The following NCKAP5 variants were observed in gnomAD, a reference collection of about 807,000 sequenced individuals.
NCKAP5 encodes the protein nck-associated protein 5.
In NCKAP5, 92 loss-of-function variants were observed where a neutral mutation model predicts 167.0. The ratio of observed to expected loss-of-function variants is 0.55; its 90% confidence interval spans 0.47 to 0.66. The LOEUF (loss-of-function observed/expected upper bound fraction) is 0.66. Among genes scored for constraint, NCKAP5 ranks in the 30% least tolerant of loss-of-function variants. The probability of loss-of-function intolerance (pLI) is 0.00; values close to 1 mark genes in which losing one functional copy is unlikely to be tolerated. For missense variants in NCKAP5, 2,378 were observed against 2,315.0 expected, an observed-to-expected ratio of 1.03 and a Z score of -0.56; for synonymous variants, 891 against 877.4, an observed-to-expected ratio of 1.02 and a Z score of -0.27.
intron 3 of NCKAP5, among the ~76,000 whole-genome samples, chr2:133,330,054 T>G (rs35108398): frequency 1.5e-5 from 1 of 64,704 alleles, no homozygotes; most frequent in East Asian, 3.9e-4. Flanking sequence ...AAGCAAGACC[T>G]TTTTTTTTTT....
chr2:132,816,338 G>T (rs13414781), intron 11 of NCKAP5, among the ~76,000 whole-genome samples: 2,523 of 152,178 alleles, frequency 0.017, 63 homozygotes, highest in African/African-American at 0.058. Flanking sequence ...AACACAAGTA[G>T]CAAGCGGAAG....
chr2:133,153,489 A>T (rs557736501), intron 5 of NCKAP5, among the ~76,000 whole-genome samples: 19 of 152,134 alleles, frequency 1.2e-4, no homozygotes, highest in African/African-American at 2.6e-4. Context: ...GATTTTTTTT[A>T]AAAAATAAAC....
the NCKAP5 span, among the ~76,000 whole-genome samples, chr2:133,611,667 G>A: frequency 6.6e-6 from 1 of 152,158 alleles, no homozygotes; most frequent in Non-Finnish European, 1.5e-5. Flanking sequence ...AGATAAAAAG[G>A]CTGGGTGGGG....
chr2:132,748,632 A>T (rs1679848975), intron 16 of NCKAP5, among the ~76,000 whole-genome samples: 1 of 152,148 alleles, frequency 6.6e-6, no homozygotes, highest in Admixed American at 6.5e-5. Context: ...TGCAACAACT[A>T]TACCCGTACC....
At chr2:132,838,609 G>A (rs1012342994) in intron 11 of NCKAP5, among the ~76,000 whole-genome samples, 6 of 152,170 alleles carry the variant, frequency 3.9e-5, no homozygotes, top group Non-Finnish European at 7.4e-5. Context: ...TCCAGGCTGG[G>A]CGACAGAGAG....
At chr2:132,794,275 G>T (rs1363285185) in intron 12 of NCKAP5, among the ~76,000 whole-genome samples, 48 of 92,920 alleles carry the variant, frequency 5.2e-4, no homozygotes, top group Admixed American at 6.6e-4. Context: ...GAGAGAGAGA[G>T]AGAGAGAGAG....
At chr2:133,631,697 T>C in the NCKAP5 span, among the ~76,000 whole-genome samples, 1 of 152,226 alleles carries the variant, frequency 6.6e-6, no homozygotes, top group Non-Finnish European at 1.5e-5. Context: ...AAGACTAGTA[T>C]AGCTAAGTCT....
At position 132,963,653 on chromosome 2, in the gene NCKAP5, G is replaced by A. The variant is rs1291626280; in HGVS notation, c.579+67C>T. ...GAAGATTTATACTCACTCAAAACCA[G>A]TGCCAATAAAAGAAGCAGAATACTG... On this transcript the variant is annotated intron_variant, in intron 8 of 19. Transcript: ENST00000409261. 3.3e-5 allele frequency: 49 copies of A among 1,498,432 alleles called. 1 individual carries two copies. The highest frequency in any genetic ancestry group is 7.4e-6 in the Non-Finnish European group (8 of 1,087,280). 92.8% of individuals were successfully genotyped at this position (1,498,432 alleles called of 1,614,324 possible).
At chr2:132,791,968 AG>A (rs1252644683) in intron 12 of NCKAP5, among the ~76,000 whole-genome samples, 2 of 152,224 alleles carry the variant, frequency 1.3e-5, no homozygotes, top group Non-Finnish European at 2.9e-5. Context: ...ACAGGAAAGT[AG>A]GACTCAGAAG....
chr2:133,127,995 T>C (rs1221544506), intron 6 of NCKAP5, among the ~76,000 whole-genome samples: 1 of 152,192 alleles, frequency 6.6e-6, no homozygotes, highest in Non-Finnish European at 1.5e-5. Flanking sequence ...GAGTCATCCA[T>C]CCTTCTTGTC....
the NCKAP5 span, among the ~76,000 whole-genome samples, chr2:133,579,317 A>C: frequency 6.6e-5 from 10 of 152,202 alleles, no homozygotes; most frequent in South Asian, 2.1e-4. Flanking sequence ...TAGTGTATGT[A>C]CTCTGACTAT....
intron 6 of NCKAP5, among the ~76,000 whole-genome samples, chr2:133,124,936 C>A (rs890515047): frequency 1.3e-5 from 2 of 152,128 alleles, no homozygotes; most frequent in Non-Finnish European, 1.5e-5. Context: ...GTCCCAGCTA[C>A]TTGGGAGGCT....
intron 3 of NCKAP5, among the ~76,000 whole-genome samples, chr2:133,414,510 T>C (rs1006709725): frequency 2.0e-5 from 3 of 152,140 alleles, no homozygotes; most frequent in Non-Finnish European, 2.9e-5. Flanking sequence ...ATTCAGGTCA[T>C]TCTTGTTGCA....
chr2:133,146,376 G>A (rs1190077854), intron 5 of NCKAP5, among the ~76,000 whole-genome samples: 1 of 152,000 alleles, frequency 6.6e-6, no homozygotes, highest in Non-Finnish European at 1.5e-5. Context: ...ACATGTAAAC[G>A]ATGACTTTGT....
At chr2:132,748,728 T>G (rs1679858396) in intron 16 of NCKAP5, among the ~76,000 whole-genome samples, 1 of 152,196 alleles carries the variant, frequency 6.6e-6, no homozygotes, top group African/African-American at 2.4e-5. Flanking sequence ...TATTTATTTT[T>G]CTAATTCAAT....
intron 9 of NCKAP5, among the ~76,000 whole-genome samples, chr2:132,877,956 A>T (rs544965553): frequency 1.3e-5 from 2 of 152,340 alleles, no homozygotes; most frequent in South Asian, 2.1e-4. Context: ...ACAAATCTCC[A>T]ACTGAATTAC....
At chr2:132,902,906 T>C (rs1245402278) in intron 8 of NCKAP5, among the ~76,000 whole-genome samples, 1 of 152,194 alleles carries the variant, frequency 6.6e-6, no homozygotes, top group Non-Finnish European at 1.5e-5. Context: ...CCCAGTCCTG[T>C]GTCATGTAGG....
At chr2:132,795,440 A>G (rs1684499430) in intron 12 of NCKAP5, among the ~76,000 whole-genome samples, 1 of 152,232 alleles carries the variant, frequency 6.6e-6, no homozygotes, top group Non-Finnish European at 1.5e-5. Flanking sequence ...TTTATTTTAG[A>G]TTACTACCCT....
At chr2:133,589,279 A>G in the NCKAP5 span, among the ~76,000 whole-genome samples, 1 of 152,222 alleles carries the variant, frequency 6.6e-6, no homozygotes, top group African/African-American at 2.4e-5. Context: ...TGACACAGTA[A>G]TGAAGTAAAT....
Sources: gnomAD v4.1 joint callset for allele counts (sites outside exome capture counted in the v4.1 genomes callset) on GRCh38, gnomAD v4.1.1 for gene constraint, MANE v1.5 for transcripts, NCBI Gene and HGNC (gene_info 2026-07-23, HGNC 2026-07-21) for gene names.